MSH3: variants seen among roughly 807,000 people sequenced by gnomAD.
MSH3 encodes mutS homolog 3.
A neutral mutation model predicts 123.3 loss-of-function variants in MSH3; 106 were observed. That is an observed-to-expected ratio of 0.86 (90% CI 0.73 to 1.01). The LOEUF (loss-of-function observed/expected upper bound fraction) is 1.01. MSH3 is among the 50% of genes least tolerant of loss of function. The pLI is 0.00. For missense variants in MSH3, 1,459 were observed against 1,347.6 expected (o/e 1.08, Z -1.29); for synonymous variants, 515 against 481.4 (o/e 1.07, Z -0.91).
intron 20 of MSH3, among the ~76,000 whole-genome samples, chr5:80,840,372 C>T (rs1235630770): frequency 6.6e-6 from 1 of 152,132 alleles, no homozygotes; most frequent in Admixed American, 6.5e-5. Context: ...TTTTTCACTT[C>T]TTCCATTTCG....
At chr5:80,746,219 C>A in intron 12 of MSH3, 1 of 249,432 alleles carries the variant, frequency 4.0e-6, no homozygotes, top group East Asian at 1.2e-4. Context: ...ATATTCTGCT[C>A]ATACGATTGA....
At chr5:80,846,534 G>A (rs1745725094) in intron 20 of MSH3, among the ~76,000 whole-genome samples, 1 of 152,082 alleles carries the variant, frequency 6.6e-6, no homozygotes, top group Non-Finnish European at 1.5e-5. Flanking sequence ...AGAGGCAGTA[G>A]GCCTTGCTGA....
intron 7 of MSH3, among the ~76,000 whole-genome samples, chr5:80,676,639 A>G (rs960445149): frequency 6.6e-6 from 1 of 152,206 alleles, no homozygotes; most frequent in Non-Finnish European, 1.5e-5. Context: ...TGCTTAACCA[A>G]TAAGCCCTTC....
intron 13 of MSH3, among the ~76,000 whole-genome samples, chr5:80,764,438 C>T (rs536494946): frequency 7.9e-5 from 12 of 151,444 alleles, no homozygotes; most frequent in Non-Finnish European, 1.5e-4. Context: ...TGCAGTGGTG[C>T]GACCACAGCT....
rs542026046 is a variant in MSH3, at chr5:80,820,533, G to A, written c.2813+6792G>A. On this transcript the variant is annotated intron_variant, in intron 20 of 23. Coordinates refer to ENST00000265081, the MANE Select transcript of MSH3 (RefSeq NM_002439.5). The stretch of plus-strand genomic sequence containing the variant: ...CCTATTCCTAGTACTAAGTAGATGT[G>A]CAGTAAATATTTGTTTAAAAACTGA... Among the ~76,000 whole-genome samples the A allele has an allele frequency of 2.0e-5, 3 of 152,078 alleles. No homozygotes were observed. In the East Asian group the frequency reaches 5.8e-4, roughly 29 times the overall value.
chr5:80,806,529 T>C (rs1249093449), intron 19 of MSH3, among the ~76,000 whole-genome samples: 1 of 152,232 alleles, frequency 6.6e-6, no homozygotes, highest in Non-Finnish European at 1.5e-5. Context: ...TATCATATAT[T>C]AAGTTTCCAC....
At chr5:80,714,591 G>A (rs916014031) in intron 8 of MSH3, among the ~76,000 whole-genome samples, 3 of 152,164 alleles carry the variant, frequency 2.0e-5, no homozygotes, top group Admixed American at 2.0e-4. Context: ...ATTGCAGAAC[G>A]ATGAATTTAA....
At chr5:80,778,888 C>G (rs371091275) in intron 17 of MSH3, 52 bp downstream of exon 17, 76 of 1,024,974 alleles carry the variant, frequency 7.4e-5, no homozygotes, top group Non-Finnish European at 1.1e-4. Flanking sequence ...CAGAAACAGA[C>G]TGGAAAAATC....
chr5:80,875,668 T>C (rs1353812769), intron 23 of MSH3, 83 bp from the exon 24 acceptor site: 26 of 811,708 alleles, frequency 3.2e-5, no homozygotes, highest in South Asian at 1.0e-4. Flanking sequence ...TCAAGTGTTA[T>C]AGACTTTTCA....
chr5:80,673,642 CATTA>C (rs558206662), intron 6 of MSH3, among the ~76,000 whole-genome samples: 41 of 152,286 alleles, frequency 2.7e-4, no homozygotes, highest in African/African-American at 9.1e-4. Context: ...AGCCCGTCTT[CATTA>C]ATTGTTAACT....
intron 14 of MSH3, among the ~76,000 whole-genome samples, chr5:80,768,461 T>G (rs1266771116): frequency 3.3e-5 from 5 of 152,156 alleles, no homozygotes; most frequent in African/African-American, 1.2e-4. Flanking sequence ...CAGAGATGTC[T>G]TTATATTTAG....
At chr5:80,835,488 A>T (rs1233970244) in intron 20 of MSH3, among the ~76,000 whole-genome samples, 3 of 150,238 alleles carry the variant, frequency 2.0e-5, no homozygotes, top group Admixed American at 2.0e-4. Context: ...CAGCAATAGC[A>T]TTTTTTTTTT....
Position 80,768,004 on chromosome 5 carries a change from A to T in MSH3, c.1968A>T (p.Ile656=). The change falls in exon 14 of 24, where the codon ATA becomes ATT. Residue 656 remains isoleucine, a synonymous_variant. Transcript: ENST00000265081. ...YHLKSEFQAI[I]PAVNSHIQSD... is the part of the protein sequence containing the mutation. ...TAAAGTCAGAATTTCAAGCAATAAT[A>T]CCTGCTGTTAATTCCCACATTCAGT... is the stretch of plus-strand genomic sequence containing the variant. 1 of 1,613,488 alleles carries T rather than the reference A, an allele frequency of 6.2e-7. No individual in the cohort carries two copies. The highest frequency in any genetic ancestry group is 8.5e-7 in the Non-Finnish European group (1 of 1,179,534).
intron 19 of MSH3, among the ~76,000 whole-genome samples, chr5:80,811,280 A>G (rs1357197168): frequency 1.3e-5 from 2 of 151,914 alleles, no homozygotes; most frequent in Non-Finnish European, 2.9e-5. Flanking sequence ...TCTCCTGCCC[A>G]TTTGTTTCAC....
rs1744173482 is a variant in MSH3 at position 80,769,101 on chromosome 5, CT to C, written c.2253+102del. ...AATCTGAGGATAGGATATGTATTAT[CT>C]TTTCAAATTTTCTGTTTTATTCCTT... On this transcript the variant is annotated intron_variant, in intron 15 of 23. Coordinates refer to ENST00000265081, the MANE Select transcript of MSH3 (RefSeq NM_002439.5). The C allele has an allele frequency of 1.1e-5, 12 of 1,120,084 alleles. No homozygotes were observed. In the South Asian group the frequency reaches 1.6e-4, roughly 15 times the overall value. The allele number at this position is 1,120,084 out of a possible 1,614,324, so 69.4% of individuals were successfully genotyped here. A position where few individuals can be genotyped will look rare whatever the true frequency, so the allele number is the denominator to read the frequency against.
At chr5:80,664,309 G>T (rs6151603) in intron 2 of MSH3, among the ~76,000 whole-genome samples, 70,154 of 151,970 alleles carry the variant, frequency 0.46, 16,399 homozygotes, top group East Asian at 0.61. Flanking sequence ...TGAGTATGGT[G>T]ATTTGGTTTT....
intron 20 of MSH3, among the ~76,000 whole-genome samples, chr5:80,833,441 A>T (rs1458890768): frequency 6.6e-6 from 1 of 152,034 alleles, no homozygotes; most frequent in Admixed American, 6.6e-5. Context: ...AACTTTATTT[A>T]TTTTTTTGTT....
At chr5:80,830,649 T>C (rs2112077804) in intron 20 of MSH3, among the ~76,000 whole-genome samples, 1 of 152,364 alleles carries the variant, frequency 6.6e-6, no homozygotes, top group African/African-American at 2.4e-5. Flanking sequence ...CTTGGGACTT[T>C]CCCACAAAGT....
At chr5:80,700,070 A>T (rs1750573790) in intron 8 of MSH3, among the ~76,000 whole-genome samples, 3 of 152,142 alleles carry the variant, frequency 2.0e-5, no homozygotes. Context: ...AACTATTTAG[A>T]TAATCTAGAA....
Sources: allele counts gnomAD v4.1 joint callset (sites outside exome capture counted in the v4.1 genomes callset), GRCh38; gene constraint gnomAD v4.1.1; transcripts MANE v1.5; gene names NCBI Gene and HGNC (gene_info 2026-07-23, HGNC 2026-07-21).